Variants in ATP6V0A4 observed in about 807,000 individuals in gnomAD.
The protein encoded by ATP6V0A4 is V-type proton ATPase 116 kDa subunit a 4.
Under a neutral mutation model 107.3 loss-of-function variants are expected in ATP6V0A4, and 86 were observed. The observed-to-expected ratio is 0.80, with a 90% CI of 0.67 to 0.96. The LOEUF is 0.96. Among genes scored for constraint, ATP6V0A4 ranks in the 40% least tolerant of loss-of-function variants. The pLI is 0.00. For synonymous variants in ATP6V0A4, 353 were observed against 381.4 expected, an observed-to-expected ratio of 0.93 and a Z score of 0.87; for missense variants, 908 against 1,045.6, an observed-to-expected ratio of 0.87 and a Z score of 1.81.
At chr7:138,730,243 T>A (rs189992122) in intron 17 of ATP6V0A4, among the ~76,000 whole-genome samples, 1 of 152,244 alleles carries the variant, frequency 6.6e-6, no homozygotes, top group East Asian at 1.9e-4. Context: ...AAGCTGAACT[T>A]ATCCATCCTA....
At position 138,759,650 on chromosome 7, in the gene ATP6V0A4, T is replaced by A. The variant is rs528470138; in HGVS notation, c.639+102A>T. Reference sequence around the variant, plus strand: ...GAGAAAAAAAGGAAATAGATATTAGTCTCATCAAACTAAAGATCCCCCATG... The same window carrying A: ...GAGAAAAAAAGGAAATAGATATTAGACTCATCAAACTAAAGATCCCCCATG... On this transcript the variant is annotated intron_variant, in intron 8 of 21. Coordinates refer to ENST00000310018, the MANE Select transcript of ATP6V0A4 (RefSeq NM_020632.3). 12 of 1,238,364 alleles carry A rather than the reference T, an allele frequency of 9.7e-6. No homozygotes were observed. In the South Asian group the frequency reaches 9.8e-5, roughly 10 times the overall value. The allele number at this position is 1,238,364 out of a possible 1,614,324, so 76.7% of individuals were successfully genotyped here.
At chr7:138,718,131 G>T (rs1804170558) in intron 19 of ATP6V0A4, among the ~76,000 whole-genome samples, 1 of 111,064 alleles carries the variant, frequency 9.0e-6, no homozygotes, top group Non-Finnish European at 2.1e-5. Context: ...GTCTGCAGAG[G>T]GAGACGTCCA....
intron 1 of ATP6V0A4, among the ~76,000 whole-genome samples, chr7:138,789,033 T>C (rs1298070175): frequency 2.0e-5 from 3 of 152,182 alleles, no homozygotes; most frequent in African/African-American, 7.2e-5. Flanking sequence ...CTGAGGTCCT[T>C]TTCCAACACT....
At chr7:138,769,742 A>G (rs537666783) in intron 3 of ATP6V0A4, among the ~76,000 whole-genome samples, 245 of 152,322 alleles carry the variant, frequency 1.6e-3, no homozygotes, top group Non-Finnish European at 2.8e-3. Flanking sequence ...CTTACATTCA[A>G]TCCCCCAAAT....
At chr7:138,741,284 G>A (rs955683547) in intron 14 of ATP6V0A4, among the ~76,000 whole-genome samples, 3 of 152,142 alleles carry the variant, frequency 2.0e-5, no homozygotes, top group East Asian at 1.9e-4. Context: ...TGAGGGAATC[G>A]GGAAGCCTGG....
intron 20 of ATP6V0A4, among the ~76,000 whole-genome samples, chr7:138,712,167 G>C (rs1347846866): frequency 2.0e-5 from 3 of 152,120 alleles, no homozygotes; most frequent in Admixed American, 6.6e-5. Context: ...CCTGACCTCA[G>C]GTAATCCCCC....
intron 5 of ATP6V0A4, among the ~76,000 whole-genome samples, chr7:138,767,266 T>C (rs1287657823): frequency 6.6e-6 from 1 of 152,232 alleles, no homozygotes; most frequent in Non-Finnish European, 1.5e-5. Context: ...CTCACGCCTG[T>C]AATCCCAGCA....
intron 2 of ATP6V0A4, among the ~76,000 whole-genome samples, chr7:138,781,582 G>A (rs1294193561): frequency 6.6e-6 from 1 of 152,078 alleles, no homozygotes; most frequent in African/African-American, 2.4e-5. Flanking sequence ...CACCCACCCT[G>A]GCCTCCCAAA....
chr7:138,722,139 T>G, intron 18 of ATP6V0A4, 114 bp from the exon 19 acceptor site: 1 of 1,504,736 alleles, frequency 6.6e-7, no homozygotes, highest in African/African-American at 1.4e-5. Flanking sequence ...GACACTGTTC[T>G]AAACACTACA....
chr7:138,710,075 G>C (rs1803662068), intron 20 of ATP6V0A4, among the ~76,000 whole-genome samples: 3 of 151,920 alleles, frequency 2.0e-5, no homozygotes, highest in Non-Finnish European at 2.9e-5. Flanking sequence ...ACCCAGGCTG[G>C]AATGCCATAG....
intron 3 of ATP6V0A4, among the ~76,000 whole-genome samples, chr7:138,770,466 A>AT (rs1807325620): frequency 6.6e-6 from 1 of 152,232 alleles, no homozygotes; most frequent in Non-Finnish European, 1.5e-5. Flanking sequence ...AATAAACGTT[A>AT]TTGAGGACCT....
intron 2 of ATP6V0A4, among the ~76,000 whole-genome samples, chr7:138,776,704 C>T (rs7794404): frequency 0.72 from 108,809 of 152,064 alleles, 39,600 homozygotes; most frequent in Middle Eastern, 0.82. Context: ...AAAGAGTACA[C>T]GTACCTAATG....
intron 15 of ATP6V0A4, among the ~76,000 whole-genome samples, chr7:138,735,999 T>C (rs6467795): frequency 0.57 from 85,603 of 151,492 alleles, 24,097 homozygotes; most frequent in East Asian, 0.89. Context: ...ACCCAGGAGG[T>C]GGAGGCTGTG....
At chr7:138,772,956 G>A (rs1473897534) in intron 2 of ATP6V0A4, among the ~76,000 whole-genome samples, 9 of 152,170 alleles carry the variant, frequency 5.9e-5, no homozygotes, top group Non-Finnish European at 1.3e-4. Context: ...AAGGCCACAT[G>A]AGAGCCAAGG....
chr7:138,752,785 G>T lies in ATP6V0A4; in HGVS notation c.869C>A (p.Ala290Asp), dbSNP rs1190479257. 1 of 1,614,102 alleles carries T rather than the reference G, an allele frequency of 6.2e-7. No homozygotes were observed. Among genetic ancestry groups the T allele is most frequent in the African/African-American group, 1.3e-5 (1 of 74,936 alleles). Residue 290 changes from alanine (A) to aspartate (D), a missense_variant, in exon 11 of 22, where the codon GCC becomes GAC. Coordinates refer to ENST00000310018, the MANE Select transcript of ATP6V0A4 (RefSeq NM_020632.3). ...HRQRLLQEAA[A>D]NWHSWLIKVQ... ...CTTGATGAGCCAGGAGTGCCAGTTGGCAGCGGCTTCCTGCAGCAGGCGCTG... is the reference window on the plus strand; with the variant it reads ...CTTGATGAGCCAGGAGTGCCAGTTGTCAGCGGCTTCCTGCAGCAGGCGCTG...
rs1194328965 is a variant in ATP6V0A4 at position 138,730,386 on chromosome 7, G to GTGTA, written c.1909-1525_1909-1524insTACA. On this transcript the variant is annotated intron_variant, in intron 17 of 21. Coordinates refer to ENST00000310018, the MANE Select transcript of ATP6V0A4 (RefSeq NM_020632.3). ...TGTGTGTGTGTGTGTGTGTGTGTGT[G>GTGTA]GCTATCCTTTGATATTCAAAGACAG... 2.7e-4 allele frequency among the ~76,000 whole-genome samples: 41 copies of GTGTA among 149,476 alleles called. 1 individual carries two copies. Among genetic ancestry groups the GTGTA allele is most frequent in the Non-Finnish European group, 4.1e-4 (28 of 67,612 alleles).
intron 15 of ATP6V0A4, among the ~76,000 whole-genome samples, chr7:138,738,060 C>G (rs930272309): frequency 6.6e-6 from 1 of 151,848 alleles, no homozygotes; most frequent in African/African-American, 2.4e-5. Context: ...CCACATCTGG[C>G]CAACTCCTGC....
chr7:138,782,236 G>T (rs1807959227), intron 2 of ATP6V0A4, among the ~76,000 whole-genome samples: 1 of 152,184 alleles, frequency 6.6e-6, no homozygotes, highest in Non-Finnish European at 1.5e-5. Flanking sequence ...GCTGCTGGTG[G>T]TTGCTGGCAA....
intron 12 of ATP6V0A4, 38 bp downstream of exon 12, chr7:138,749,129 T>A (rs1419184502): frequency 1.2e-6 from 2 of 1,612,818 alleles, no homozygotes; most frequent in South Asian, 2.2e-5. Context: ...AGTTTTCACT[T>A]TCAAGCTACC....
Sources: allele counts gnomAD v4.1 joint callset (sites outside exome capture counted in the v4.1 genomes callset), GRCh38; gene constraint gnomAD v4.1.1; transcripts MANE v1.5; gene names NCBI Gene and HGNC (gene_info 2026-07-23, HGNC 2026-07-21).